PAK1: variants seen among roughly 807,000 people sequenced by gnomAD.
PAK1 encodes the protein p21 (RAC1) activated kinase 1.
PAK1 carries 29 observed loss-of-function variants against 67.4 expected under a neutral mutation model. That is an observed-to-expected ratio of 0.43 (90% CI 0.32 to 0.59). The LOEUF (loss-of-function observed/expected upper bound fraction) is 0.59. PAK1 is among the 20% of genes least tolerant of loss of function. The pLI is 0.07. For synonymous variants in PAK1, 223 were observed against 237.4 expected, an observed-to-expected ratio of 0.94 and a Z score of 0.56; for missense variants, 337 against 670.7, an observed-to-expected ratio of 0.50 and a Z score of 5.50.
intron 2 of PAK1, among the ~76,000 whole-genome samples, chr11:77,382,156 T>C (rs1162871036): frequency 4.6e-5 from 7 of 152,198 alleles, no homozygotes; most frequent in Non-Finnish European, 7.3e-5. Context: ...ATATACTATA[T>C]AATACATCAC....
At chr11:77,520,905 G>C in the PAK1 span, among the ~76,000 whole-genome samples, 2 of 152,100 alleles carry the variant, frequency 1.3e-5, no homozygotes, top group Non-Finnish European at 2.9e-5. Flanking sequence ...CCCGAGTCCT[G>C]GCAACTGTGA....
chr11:77,528,608 G>A, the PAK1 span, among the ~76,000 whole-genome samples: 1 of 152,136 alleles, frequency 6.6e-6, no homozygotes, highest in South Asian at 2.1e-4. Context: ...GCCTCCCAAA[G>A]TGCTAGGATT....
intron 2 of PAK1, 21 bp from the exon 3 acceptor site, chr11:77,380,015 AG>A: frequency 6.4e-7 from 1 of 1,571,694 alleles, no homozygotes; most frequent in South Asian, 1.1e-5. Flanking sequence ...AACAGGCAAA[AG>A]GAAATAAAAA....
At chr11:77,366,877 A>G (rs1341489702) in intron 5 of PAK1, among the ~76,000 whole-genome samples, 3 of 152,244 alleles carry the variant, frequency 2.0e-5, no homozygotes, top group African/African-American at 7.2e-5. Flanking sequence ...GAGACCACAC[A>G]AAACCTTGTA....
chr11:77,457,880 G>A (rs1309489447), intron 1 of PAK1, among the ~76,000 whole-genome samples: 3 of 152,188 alleles, frequency 2.0e-5, no homozygotes, highest in Non-Finnish European at 2.9e-5. Flanking sequence ...TATACCTGCT[G>A]TATAAGCTCT....
At chr11:77,455,665 G>A (rs150081445) in intron 1 of PAK1, among the ~76,000 whole-genome samples, 3 of 152,230 alleles carry the variant, frequency 2.0e-5, no homozygotes, top group Non-Finnish European at 2.9e-5. Flanking sequence ...TTGCTAGAAT[G>A]GACTCTCCTG....
the PAK1 span, among the ~76,000 whole-genome samples, chr11:77,498,539 C>A: frequency 1.3e-5 from 2 of 152,024 alleles, no homozygotes; most frequent in Non-Finnish European, 2.9e-5. Flanking sequence ...GGCCTCTCTG[C>A]CTTGTCTTAC....
At chr11:77,459,976 G>A (rs1394362996) in intron 1 of PAK1, among the ~76,000 whole-genome samples, 1 of 152,114 alleles carries the variant, frequency 6.6e-6, no homozygotes, top group Non-Finnish European at 1.5e-5. Flanking sequence ...GATTACAGGC[G>A]TGAGCCACCG....
At chr11:77,363,608 T>A (rs1947096231) in intron 5 of PAK1, among the ~76,000 whole-genome samples, 1 of 152,242 alleles carries the variant, frequency 6.6e-6, no homozygotes, top group African/African-American at 2.4e-5. Flanking sequence ...CATTGCTTTT[T>A]GGGACCCCAG....
At chr11:77,524,442 G>A in the PAK1 span, among the ~76,000 whole-genome samples, 6 of 152,128 alleles carry the variant, frequency 3.9e-5, no homozygotes, top group South Asian at 2.1e-4. Flanking sequence ...TGCCATGCTC[G>A]CTCTCTTCCC....
chr11:77,362,229 A>C (rs573240275), intron 5 of PAK1, among the ~76,000 whole-genome samples: 2 of 152,206 alleles, frequency 1.3e-5, no homozygotes, highest in African/African-American at 2.4e-5. Context: ...GTTGACAATA[A>C]GGAATAAATA....
At chr11:77,434,640 G>A (rs779547738) in intron 1 of PAK1, among the ~76,000 whole-genome samples, 4 of 151,536 alleles carry the variant, frequency 2.6e-5, no homozygotes, top group Admixed American at 6.6e-5. Context: ...TATTTATTGA[G>A]ACAGGTTCTC....
the PAK1 span, among the ~76,000 whole-genome samples, chr11:77,515,277 C>G: frequency 6.6e-6 from 1 of 152,224 alleles, no homozygotes; most frequent in African/African-American, 2.4e-5. Context: ...GTCCTTTATG[C>G]CTCATTTTTC....
At chr11:77,362,632 A>G (rs1946945839) in intron 5 of PAK1, among the ~76,000 whole-genome samples, 1 of 152,234 alleles carries the variant, frequency 6.6e-6, no homozygotes, top group African/African-American at 2.4e-5. Flanking sequence ...AGCCTGTATT[A>G]GTACTTACTT....
the PAK1 span, among the ~76,000 whole-genome samples, chr11:77,490,429 G>A: frequency 4.3e-4 from 65 of 149,550 alleles, no homozygotes; most frequent in African/African-American, 1.5e-3. Context: ...CCCTCTGCCC[G>A]GCCAGCCGCC....
the PAK1 span, among the ~76,000 whole-genome samples, chr11:77,487,150 A>T: frequency 6.6e-6 from 1 of 151,700 alleles, no homozygotes; most frequent in African/African-American, 2.4e-5. Flanking sequence ...AATCCTGAGG[A>T]CCCCATTCGA....
At chr11:77,342,480 T>C (rs1943756818) in intron 10 of PAK1, among the ~76,000 whole-genome samples, 1 of 152,178 alleles carries the variant, frequency 6.6e-6, no homozygotes, top group Non-Finnish European at 1.5e-5. Context: ...AGCTTTCATT[T>C]TTCCATATCC....
chr11:77,496,404 A>C, the PAK1 span, among the ~76,000 whole-genome samples: 1 of 152,102 alleles, frequency 6.6e-6, no homozygotes, highest in African/African-American at 2.4e-5. Context: ...TAAGCAGATC[A>C]CTTGAGCCCA....
intron 1 of PAK1, among the ~76,000 whole-genome samples, chr11:77,440,516 C>T (rs1956308794): frequency 1.3e-5 from 2 of 152,180 alleles, no homozygotes; most frequent in African/African-American, 4.8e-5. Flanking sequence ...AGGAAACAAA[C>T]TGAGAAAGGT....
Sources: allele counts gnomAD v4.1 joint callset (sites outside exome capture counted in the v4.1 genomes callset), GRCh38; gene constraint gnomAD v4.1.1; transcripts MANE v1.5; gene names NCBI Gene and HGNC (gene_info 2026-07-23, HGNC 2026-07-21).